FHIP1A: variants seen among roughly 807,000 people sequenced by gnomAD.
The protein encoded by FHIP1A is FHF complex subunit HOOK-interacting protein 1A.
In FHIP1A, 61 loss-of-function variants were observed where a neutral mutation model predicts 88.6. The observed-to-expected ratio is 0.69, with a 90% confidence interval of 0.56 to 0.85. The LOEUF (loss-of-function observed/expected upper bound fraction) is 0.85. FHIP1A is among the 40% of genes least tolerant of loss of function. The pLI, the probability that FHIP1A is intolerant of heterozygous loss-of-function variation, is 0.00. For missense variants in FHIP1A, 1,154 were observed against 1,273.5 expected, an observed-to-expected ratio of 0.91 and a Z score of 1.43; for synonymous variants, 478 against 496.0, an observed-to-expected ratio of 0.96 and a Z score of 0.48.
chr4:151,509,425 A>T (rs577142376), intron 3 of FHIP1A, among the ~76,000 whole-genome samples: 3 of 152,152 alleles, frequency 2.0e-5, no homozygotes, highest in East Asian at 3.9e-4. Flanking sequence ...TCAGCCTCCC[A>T]AAGTGCTGGG....
chr4:151,662,149 T>C (rs1219945899), intron 13 of FHIP1A, among the ~76,000 whole-genome samples: 2 of 152,246 alleles, frequency 1.3e-5, no homozygotes, highest in East Asian at 3.8e-4. Context: ...CATCGCCCCT[T>C]AATAAGCCAA....
intron 9 of FHIP1A, among the ~76,000 whole-genome samples, chr4:151,644,420 T>C (rs923992235): frequency 1.1e-4 from 16 of 152,222 alleles, no homozygotes; most frequent in African/African-American, 3.9e-4. Context: ...GGTGTAGTCA[T>C]AGCACACTGC....
intron 3 of FHIP1A, among the ~76,000 whole-genome samples, chr4:151,503,975 C>T (rs1730738452): frequency 6.6e-6 from 1 of 152,194 alleles, no homozygotes; most frequent in Admixed American, 6.5e-5. Context: ...TGAATCCTAA[C>T]TGCACAAAAC....
At chr4:151,586,553 C>A in intron 5 of FHIP1A, 88 bp from the exon 6 acceptor site, 1 of 1,056,998 alleles carries the variant, frequency 9.5e-7, no homozygotes, top group Non-Finnish European at 1.4e-6. Flanking sequence ...AGTTTTGGGA[C>A]CAGCAGCATT....
chr4:151,559,873 T>C (rs1733103941), intron 3 of FHIP1A, among the ~76,000 whole-genome samples: 1 of 152,198 alleles, frequency 6.6e-6, no homozygotes, highest in Non-Finnish European at 1.5e-5. Context: ...GCTCTGTTCA[T>C]AGCAGAACTT....
chr4:151,542,477 C>T (rs1732332263), intron 3 of FHIP1A, among the ~76,000 whole-genome samples: 1 of 152,144 alleles, frequency 6.6e-6, no homozygotes, highest in Admixed American at 6.5e-5. Context: ...CTTAGTCCCT[C>T]ATCACTGTAC....
intron 13 of FHIP1A, among the ~76,000 whole-genome samples, chr4:151,657,607 T>C (rs933722650): frequency 2.0e-5 from 3 of 152,208 alleles, no homozygotes; most frequent in Admixed American, 6.5e-5. Context: ...CATTGTCCCC[T>C]GAGCTGTGAC....
At position 151,532,000 on chromosome 4, in the gene FHIP1A, G is replaced by A. The variant is rs535680194; in HGVS notation, c.-122-34138G>A. Among the ~76,000 whole-genome samples the A allele has an allele frequency of 2.0e-5, 3 of 152,292 alleles. No individual in the cohort carries two copies. In the South Asian group the frequency reaches 6.2e-4, roughly 32 times the overall value. ...TAAAAAAGGTAAGTTTTGCTCAGTA[G>A]CATTTTATATGGAAGAAATGTAGAG... is the stretch of plus-strand genomic sequence containing the variant. On this transcript the variant is annotated intron_variant, in intron 3 of 13. Coordinates refer to ENST00000435205, the MANE Select transcript of FHIP1A (RefSeq NM_001109977.3).
At chr4:151,588,716 C>T in intron 6 of FHIP1A, 124 bp from the exon 7 acceptor site, 1 of 721,746 alleles carries the variant, frequency 1.4e-6, no homozygotes. Flanking sequence ...GTTCTTTAAT[C>T]ACAGAATAAA....
At chr4:151,554,075 C>G (rs184708675) in intron 3 of FHIP1A, among the ~76,000 whole-genome samples, 1 of 152,280 alleles carries the variant, frequency 6.6e-6, no homozygotes, top group East Asian at 1.9e-4. Flanking sequence ...TCCTCCCAGT[C>G]CTCTGACTTT....
chr4:151,568,832 A>G (rs113402592), intron 4 of FHIP1A, among the ~76,000 whole-genome samples: 3,212 of 152,324 alleles, frequency 0.021, 42 homozygotes, highest in Non-Finnish European at 0.03. Context: ...ATAATATTTC[A>G]GAGAATGGAT....
At chr4:151,585,376 C>T (rs181391211) in intron 5 of FHIP1A, among the ~76,000 whole-genome samples, 3 of 152,202 alleles carry the variant, frequency 2.0e-5, no homozygotes, top group East Asian at 1.9e-4. Flanking sequence ...AACGGGGTTT[C>T]GCCATGTTGG....
At chr4:151,616,391 A>G (rs907401690) in intron 7 of FHIP1A, among the ~76,000 whole-genome samples, 8 of 151,444 alleles carry the variant, frequency 5.3e-5, no homozygotes, top group African/African-American at 1.2e-4. Context: ...ACCCAGACAC[A>G]TTATAGAACC....
chr4:151,605,275 A>T (rs1016712939), intron 7 of FHIP1A, among the ~76,000 whole-genome samples: 3 of 152,196 alleles, frequency 2.0e-5, no homozygotes, highest in Admixed American at 6.5e-5. Context: ...CCTTTTTAAA[A>T]AGAGATTGTT....
chr4:151,584,331 A>C (rs891838124), intron 5 of FHIP1A, among the ~76,000 whole-genome samples: 3 of 152,192 alleles, frequency 2.0e-5, no homozygotes, highest in African/African-American at 7.2e-5. Context: ...GCAATACACT[A>C]ATACATGCAA....
intron 7 of FHIP1A, among the ~76,000 whole-genome samples, chr4:151,621,425 C>G (rs1237856675): frequency 6.6e-6 from 1 of 151,888 alleles, no homozygotes; most frequent in African/African-American, 2.4e-5. Flanking sequence ...TGAAATCTGT[C>G]TTTTATCATC....
chr4:151,656,513 A>G lies in FHIP1A; in HGVS notation c.2730+103A>G, dbSNP rs1737246158. ...TGTTTTTCAAAAATTCCTTTGCTCT[A>G]ATTCATTTGCTTTCCTTCCCTGTCC... On this transcript the variant is annotated intron_variant, in intron 12 of 13. Transcript: ENST00000435205. This position sits in a 1 kb window ranked among gnomAD's most constrained non-coding sequence, Gnocchi z 4.2. 1.1e-5 allele frequency: 13 copies of G among 1,232,084 alleles called. No homozygotes were observed. The highest frequency in any genetic ancestry group is 1.5e-5 in the Non-Finnish European group (13 of 887,888). 76.3% of individuals were successfully genotyped at this position (1,232,084 alleles called of 1,614,324 possible).
chr4:151,469,776 C>T (rs569419788), intron 2 of FHIP1A, among the ~76,000 whole-genome samples: 1 of 152,132 alleles, frequency 6.6e-6, no homozygotes, highest in Non-Finnish European at 1.5e-5. Flanking sequence ...TCAAATAAAA[C>T]CCCTCTTCTT....
rs1737671886 is a variant in FHIP1A, at chr4:151,666,521, C to T, written c.*3767C>T. 6.6e-6 allele frequency among the ~76,000 whole-genome samples: 1 copy of T among 152,170 alleles called. No homozygotes were observed. Among genetic ancestry groups the T allele is most frequent in the Non-Finnish European group, 1.5e-5 (1 of 68,036 alleles). ...TGTCCAGGATAAGACATCATGGAGC[C>T]AGGGTCTTGTCAGGAAAGCATCCTC... On this transcript the variant is annotated 3_prime_UTR_variant, in exon 14 of 14. Coordinates refer to ENST00000435205, the MANE Select transcript of FHIP1A (RefSeq NM_001109977.3).
Sources: allele counts gnomAD v4.1 joint callset (sites outside exome capture counted in the v4.1 genomes callset), GRCh38; gene constraint gnomAD v4.1.1; non-coding constraint Gnocchi (gnomAD v3.1); transcripts MANE v1.5; gene names NCBI Gene and HGNC (gene_info 2026-07-23, HGNC 2026-07-21).